The following DNAJA4 variants were observed in gnomAD, a reference collection of about 807,000 sequenced individuals.
DNAJA4 encodes dnaJ homolog subfamily A member 4.
DNAJA4 carries 32 observed loss-of-function variants against 39.7 expected under a neutral mutation model. The ratio of observed to expected loss-of-function variants is 0.81; its 90% CI spans 0.61 to 1.08. The LOEUF (loss-of-function observed/expected upper bound fraction) is 1.08. DNAJA4 is among the 50% of genes least tolerant of loss of function. DNAJA4 has a pLI of 0.00. For missense variants in DNAJA4, 439 were observed against 505.1 expected (o/e 0.87, Z 1.25); for synonymous variants, 184 against 182.4 (o/e 1.01, Z -0.07).
In DNAJA4 at chr15:78,279,946, A is replaced by C; in HGVS notation, c.878-99A>C. 2 of 1,136,982 alleles carry C rather than the reference A, an allele frequency of 1.8e-6. No homozygotes were observed. Among genetic ancestry groups the C allele is most frequent in the Non-Finnish European group, 2.6e-6 (2 of 781,512 alleles). 70.4% of individuals were successfully genotyped at this position (1,136,982 alleles called of 1,614,324 possible). Reference sequence around the variant, plus strand: ...TGCCACGTTTCCTTTGCCCACTGCCACGGGGCACTAGGGCCTGCCGCAGGC... The same window carrying C: ...TGCCACGTTTCCTTTGCCCACTGCCCCGGGGCACTAGGGCCTGCCGCAGGC... On this transcript the variant is annotated intron_variant, in intron 5 of 6. Coordinates refer to ENST00000394852, the MANE Select transcript of DNAJA4 (RefSeq NM_001130182.2). This position sits in a 1 kb window ranked among gnomAD's most constrained non-coding sequence, Gnocchi z 4.5.
rs73465135 is a variant in DNAJA4, at chr15:78,267,737, T to G, written c.133-2760T>G. ...CACATTATCCTAACCACTCTGTGCT[T>G]CTTTCCAAGCTTTCCCCAGTATGAT... On this transcript the variant is annotated intron_variant, in intron 1 of 6. Coordinates refer to ENST00000394852, the MANE Select transcript of DNAJA4 (RefSeq NM_001130182.2). Among the ~76,000 whole-genome samples the G allele has an allele frequency of 5.5e-3, 841 of 152,342 alleles. 10 individuals carry two copies. Among genetic ancestry groups the G allele is most frequent in the African/African-American group, 0.019 (801 of 41,580 alleles).
chr15:78,280,164 A>G lies in DNAJA4; in HGVS notation c.978+19A>G. 1 of 1,612,642 alleles carries G rather than the reference A, an allele frequency of 6.2e-7. No homozygotes were observed. The highest frequency in any genetic ancestry group is 1.1e-5 in the South Asian group (1 of 91,030). ...GTTTTTAGTAAGTTCACTATGTTTC[A>G]TTGTCATGGACATATTATTAAATGC... On this transcript the variant is annotated intron_variant, in intron 6 of 6. Transcript: ENST00000394852.
Position 78,264,762 on chromosome 15 carries a change from A to G in DNAJA4, c.-2A>G, listed in dbSNP as rs1181884258. On this transcript the variant is annotated 5_prime_UTR_variant, in exon 1 of 7. Coordinates refer to ENST00000394852, the MANE Select transcript of DNAJA4 (RefSeq NM_001130182.2). The stretch of plus-strand genomic sequence containing the variant: ...CTCGCCCGCCCCCCCCGCAGACACA[A>G]GATGGTGAAGGAGACCCAGTACTAT... The G allele has an allele frequency of 3.1e-6, 5 of 1,588,442 alleles. No individual in the cohort carries two copies. The highest frequency in any genetic ancestry group is 4.3e-6 in the Non-Finnish European group (5 of 1,166,282).
chr15:78,275,305 C>G (rs914301907), intron 4 of DNAJA4, 193 bp from the exon 5 acceptor site: 10 of 579,314 alleles, frequency 1.7e-5, no homozygotes, highest in African/African-American at 1.7e-4. Flanking sequence ...CTTGGCCCCA[C>G]ATTATGCCAA....
At position 78,280,573 on chromosome 15, in the gene DNAJA4, G is replaced by A; in HGVS notation, c.*113G>A. 1.1e-6 allele frequency: 1 copy of A among 886,304 alleles called. No individual in the cohort carries two copies. The highest frequency in any genetic ancestry group is 1.7e-6 in the Non-Finnish European group (1 of 596,866). The allele number at this position is 886,304 out of a possible 1,614,324, so 54.9% of individuals were successfully genotyped here. A position where few individuals can be genotyped will look rare whatever the true frequency, so the allele number is the denominator to read the frequency against. ...TGTGTTTGGGATGTCCTGTGTATGT[G>A]TTCAGCATTCTTAATTGCTGAGTGT... On this transcript the variant is annotated 3_prime_UTR_variant, in exon 7 of 7. Coordinates refer to ENST00000394852, the MANE Select transcript of DNAJA4 (RefSeq NM_001130182.2).
Position 78,281,948 on chromosome 15 carries a change from T to C in DNAJA4, c.*1488T>C, listed in dbSNP as rs1234073679. 1 of 152,242 alleles carries C rather than the reference T, an allele frequency of 6.6e-6. No homozygotes were observed. The highest frequency in any genetic ancestry group is 1.5e-5 in the Non-Finnish European group (1 of 68,046). The allele number at this position is 152,242 out of a possible 1,614,324, so 9.4% of individuals were successfully genotyped here. ...CTTTGACCATTGGTGAGGATAGATA[T>C]AAAATCACTTCTTCCAACGAAGCCT... On this transcript the variant is annotated 3_prime_UTR_variant, in exon 7 of 7. Transcript: ENST00000394852.
At position 78,270,525 on chromosome 15, in the gene DNAJA4, T is replaced by C. The variant is rs61752771; in HGVS notation, c.161T>C (p.Val54Ala). 26,102 of 1,614,036 alleles carry C rather than the reference T, an allele frequency of 0.016. 309 individuals are homozygous for C. The highest frequency in any genetic ancestry group is 0.02 in the Non-Finnish European group (23,563 of 1,179,946). ...KFKLISQAYE[V>A]LSDPKKRDVY... ...AAACTCATATCCCAGGCATATGAAG[T>C]GCTTTCAGATCCAAAGAAAAGGGAT... The change falls in exon 2 of 7, where the codon GTG becomes GCG. Residue 54 changes from valine to alanine, a missense_variant. Val to Ala is a moderately conservative substitution (Grantham distance 64). Coordinates refer to ENST00000394852, the MANE Select transcript of DNAJA4 (RefSeq NM_001130182.2).
Position 78,264,657 on chromosome 15 carries a change from C to T in DNAJA4, c.-107C>T. The T allele has an allele frequency of 9.8e-7, 1 of 1,016,144 alleles. No individual in the cohort carries two copies. The highest frequency in any genetic ancestry group is 1.2e-6 in the Non-Finnish European group (1 of 850,928). The allele number at this position is 1,016,144 out of a possible 1,614,324, so 62.9% of individuals were successfully genotyped here. Reference sequence around the variant, plus strand: ...GCGGCGGCGGCGACCGTGACCGTGACGCGCGAGCGGGCGGCGGGGGCGCGG... The same window carrying T: ...GCGGCGGCGGCGACCGTGACCGTGATGCGCGAGCGGGCGGCGGGGGCGCGG... On this transcript the variant is annotated 5_prime_UTR_variant, in exon 1 of 7. It adds an upstream start codon to the 5' untranslated region. Coordinates refer to ENST00000394852, the MANE Select transcript of DNAJA4 (RefSeq NM_001130182.2).
At chr15:78,272,591 C>A (rs1159246127) in intron 2 of DNAJA4, among the ~76,000 whole-genome samples, 4 of 152,152 alleles carry the variant, frequency 2.6e-5, no homozygotes, top group Non-Finnish European at 4.4e-5. Context: ...TCCTGAGTTG[C>A]AGAAGCAAGA....
intron 1 of DNAJA4, among the ~76,000 whole-genome samples, chr15:78,268,577 A>G (rs912100578): frequency 6.6e-6 from 1 of 152,004 alleles, no homozygotes; most frequent in African/African-American, 2.4e-5. Context: ...TTTTTCCCTG[A>G]ATATTTTTTG....
upstream of DNAJA4, chr15:78,264,297 C>T: frequency 7.2e-7 from 1 of 1,380,586 alleles, no homozygotes; most frequent in Non-Finnish European, 9.3e-7. Flanking sequence ...CCCAAGCCGC[C>T]TTCTCCGGCC....
intron 1 of DNAJA4, 192 bp from the exon 2 acceptor site, chr15:78,270,305 C>T (rs2049258894): frequency 1.8e-6 from 1 of 569,590 alleles, no homozygotes; most frequent in Admixed American, 3.1e-5. Flanking sequence ...AATATGTTTG[C>T]CCTGTGTTTC....
At chr15:78,266,361 A>C (rs1271559455) in intron 1 of DNAJA4, 31 of 1,450,196 alleles carry the variant, frequency 2.1e-5, no homozygotes, top group Non-Finnish European at 3.0e-5. Flanking sequence ...TTTATTTTTA[A>C]AAAATTAGAC....
Position 78,282,051 on chromosome 15 carries a change from G to A in DNAJA4, c.*1591G>A, listed in dbSNP as rs540135412. On this transcript the variant is annotated 3_prime_UTR_variant, in exon 7 of 7. Coordinates refer to ENST00000394852, the MANE Select transcript of DNAJA4 (RefSeq NM_001130182.2). ...CTGTGACTTCCTAATTATTGCTAAA[G>A]AACTACTGTTTAGTTGGTAATGGTG... is the stretch of plus-strand genomic sequence containing the variant. 9 of 152,172 alleles carry A rather than the reference G, an allele frequency of 5.9e-5. No individual in the cohort carries two copies. Among genetic ancestry groups the A allele is most frequent in the Non-Finnish European group, 2.9e-5 (2 of 68,026 alleles). The allele number at this position is 152,172 out of a possible 1,614,324, so 9.4% of individuals were successfully genotyped here. A position where few individuals can be genotyped will look rare whatever the true frequency, so the allele number is the denominator to read the frequency against.
intron 4 of DNAJA4, 90 bp from the exon 5 acceptor site, chr15:78,275,408 C>T: frequency 9.4e-7 from 1 of 1,059,770 alleles, no homozygotes; most frequent in African/African-American, 1.6e-5. Context: ...AATAAAGAAT[C>T]CCTGAAGGAC....
At position 78,281,877 on chromosome 15, in the gene DNAJA4, T is replaced by C. The variant is rs910733209; in HGVS notation, c.*1417T>C. On this transcript the variant is annotated 3_prime_UTR_variant, in exon 7 of 7. Transcript: ENST00000394852. ...GTTCCCGCAAAACATTGCCAGCTAG[T>C]GAGGCATAATTTGCTCAAAGTATAG... 10 of 152,358 alleles carry C rather than the reference T, an allele frequency of 6.6e-5. No homozygotes were observed. Among genetic ancestry groups the C allele is most frequent in the African/African-American group, 2.2e-4 (9 of 41,584 alleles). The allele number at this position is 152,358 out of a possible 1,614,324, so 9.4% of individuals were successfully genotyped here. A position where few individuals can be genotyped will look rare whatever the true frequency, so the allele number is the denominator to read the frequency against.
chr15:78,279,569 G>T lies in DNAJA4; in HGVS notation c.878-476G>T. ...AGTGAGCTCCCTACCAAGGAACCTG[G>T]GTGTCACCTGCAGGTGGCCAAGAGC... On this transcript the variant is annotated intron_variant, in intron 5 of 6. Coordinates refer to ENST00000394852, the MANE Select transcript of DNAJA4 (RefSeq NM_001130182.2). This position sits in a 1 kb window ranked among gnomAD's most constrained non-coding sequence, Gnocchi z 4.5. 1 of 164,646 alleles carries T rather than the reference G, an allele frequency of 6.1e-6. No individual in the cohort carries two copies. The highest frequency in any genetic ancestry group is 1.7e-4 in the East Asian group (1 of 5,744). The allele number at this position is 164,646 out of a possible 1,614,324, so 10.2% of individuals were successfully genotyped here.
chr15:78,268,652 A>G lies in DNAJA4; in HGVS notation c.133-1845A>G, dbSNP rs183916291. On this transcript the variant is annotated intron_variant, in intron 1 of 6. Transcript: ENST00000394852. Reference sequence around the variant, plus strand: ...ATATTTGTCTCTCCGACTAAACTGTAGCCTCTGGAGGGCCAAGATCCTACC... The same window carrying G: ...ATATTTGTCTCTCCGACTAAACTGTGGCCTCTGGAGGGCCAAGATCCTACC... 2.0e-5 allele frequency among the ~76,000 whole-genome samples: 3 copies of G among 152,246 alleles called. No individual in the cohort carries two copies. The East Asian group carries it at 5.8e-4, about 29-fold the overall frequency.
chr15:78,266,436 T>G, intron 1 of DNAJA4: 1 of 708,374 alleles, frequency 1.4e-6, no homozygotes, highest in Non-Finnish European at 2.3e-6. Flanking sequence ...GTTGTTTGGT[T>G]TGTTTTAAAC....
Sources: allele counts gnomAD v4.1 joint callset (sites outside exome capture counted in the v4.1 genomes callset), GRCh38; gene constraint gnomAD v4.1.1; non-coding constraint Gnocchi (gnomAD v3.1); transcripts MANE v1.5; gene names NCBI Gene and HGNC (gene_info 2026-07-23, HGNC 2026-07-21).